MARCHF1: variants seen among roughly 807,000 people sequenced by gnomAD.
The protein encoded by MARCHF1 is membrane associated ring-CH-type finger 1.
A neutral mutation model predicts 54.2 loss-of-function variants in MARCHF1; 40 were observed. The observed-to-expected ratio is 0.74, with a 90% CI of 0.57 to 0.96. The LOEUF is 0.96. Among genes scored for constraint, MARCHF1 ranks in the 40% least tolerant of loss-of-function variants. The pLI, the probability that MARCHF1 is intolerant of heterozygous loss-of-function variation, is 0.00. For synonymous variants in MARCHF1, 236 were observed against 236.3 expected, an observed-to-expected ratio of 1.00 and a Z score of 0.01; for missense variants, 586 against 656.5, an observed-to-expected ratio of 0.89 and a Z score of 1.17.
intron 2 of MARCHF1, among the ~76,000 whole-genome samples, chr4:164,096,818 T>C (rs566977228): frequency 3.3e-5 from 5 of 152,302 alleles, no homozygotes; most frequent in African/African-American, 7.2e-5. Context: ...AAGATCATTT[T>C]TTAGCCATAA....
chr4:163,945,878 C>G (rs1752013016), intron 3 of MARCHF1, among the ~76,000 whole-genome samples: 2 of 151,986 alleles, frequency 1.3e-5, no homozygotes, highest in African/African-American at 4.8e-5. Context: ...TAGAGAGAAG[C>G]CTGAACCGAG....
At chr4:164,226,250 G>A (rs955448468) in intron 1 of MARCHF1, among the ~76,000 whole-genome samples, 31 of 151,976 alleles carry the variant, frequency 2.0e-4, no homozygotes, top group Admixed American at 2.0e-3. Flanking sequence ...AATAAATGAA[G>A]CAGAAAATAA....
intron 1 of MARCHF1, among the ~76,000 whole-genome samples, chr4:164,267,620 GACC>G (rs1357538909): frequency 6.6e-6 from 1 of 152,142 alleles, no homozygotes; most frequent in Non-Finnish European, 1.5e-5. Flanking sequence ...AATTTAAGAT[GACC>G]ATAGCATCAG....
At chr4:164,158,591 A>G (rs1730145890) in intron 1 of MARCHF1, among the ~76,000 whole-genome samples, 1 of 152,172 alleles carries the variant, frequency 6.6e-6, no homozygotes, top group Non-Finnish European at 1.5e-5. Flanking sequence ...CAGTGAGCTG[A>G]GATCATGCCA....
At chr4:164,055,569 A>T (rs1234293780) in intron 2 of MARCHF1, among the ~76,000 whole-genome samples, 1 of 152,334 alleles carries the variant, frequency 6.6e-6, no homozygotes, top group South Asian at 2.1e-4. Flanking sequence ...ATATGGATAA[A>T]GTAAAAAGAA....
chr4:163,721,736 C>T (rs1160131496), intron 4 of MARCHF1, among the ~76,000 whole-genome samples: 1 of 152,106 alleles, frequency 6.6e-6, no homozygotes, highest in Non-Finnish European at 1.5e-5. Context: ...AGGGATTCAA[C>T]TTCTTCCTGG....
chr4:163,545,817 A>G (rs1463753850), intron 8 of MARCHF1, 74 bp from the exon 9 acceptor site: 6 of 1,378,900 alleles, frequency 4.4e-6, no homozygotes, highest in Non-Finnish European at 6.1e-6. Flanking sequence ...TTTCCCAGAC[A>G]CAGATCATGA....
At chr4:164,333,077 G>C (rs926391374) in intron 1 of MARCHF1, among the ~76,000 whole-genome samples, 5 of 151,918 alleles carry the variant, frequency 3.3e-5, no homozygotes, top group African/African-American at 7.3e-5. Context: ...GAGACAATGA[G>C]AGGAGTGTGA....
intron 1 of MARCHF1, among the ~76,000 whole-genome samples, chr4:164,267,864 T>C (rs964582208): frequency 9.2e-5 from 14 of 152,128 alleles, no homozygotes; most frequent in African/African-American, 3.1e-4. Flanking sequence ...GTAGAGTTTA[T>C]AGCCAGAATC....
intron 9 of MARCHF1, among the ~76,000 whole-genome samples, chr4:163,540,311 A>G (rs1351125894): frequency 6.6e-6 from 1 of 152,134 alleles, no homozygotes; most frequent in Non-Finnish European, 1.5e-5. Flanking sequence ...ATCTCACTCT[A>G]AGTTGGAATA....
At chr4:164,090,371 TA>T (rs1197759250) in intron 2 of MARCHF1, among the ~76,000 whole-genome samples, 1 of 152,036 alleles carries the variant, frequency 6.6e-6, no homozygotes, top group African/African-American at 2.4e-5. Context: ...TGAATTATTC[TA>T]AAATAATTTA....
chr4:164,141,742 G>A (rs151274856), intron 1 of MARCHF1, among the ~76,000 whole-genome samples: 7 of 152,236 alleles, frequency 4.6e-5, no homozygotes, highest in East Asian at 1.9e-4. Context: ...AATAACCCTG[G>A]TGCCCCAAAT....
chr4:164,002,833 T>A (rs1753212424), intron 2 of MARCHF1, among the ~76,000 whole-genome samples: 2 of 151,866 alleles, frequency 1.3e-5, no homozygotes, highest in African/African-American at 4.8e-5. Context: ...AAGGCCTGTT[T>A]CATAGAAGAG....
intron 5 of MARCHF1, among the ~76,000 whole-genome samples, chr4:163,667,004 G>A (rs1743559665): frequency 6.6e-6 from 1 of 151,820 alleles, no homozygotes; most frequent in African/African-American, 2.4e-5. Flanking sequence ...AAATAATACG[G>A]GAGAAATTTT....
chr4:163,913,435 T>C (rs565446162), intron 3 of MARCHF1, among the ~76,000 whole-genome samples: 12 of 152,154 alleles, frequency 7.9e-5, no homozygotes, highest in Non-Finnish European at 1.8e-4. Flanking sequence ...ATGTTAGCAA[T>C]GTTTTTTCAG....
At chr4:163,791,246 A>G (rs1237692075) in intron 4 of MARCHF1, among the ~76,000 whole-genome samples, 1 of 152,134 alleles carries the variant, frequency 6.6e-6, no homozygotes, top group Non-Finnish European at 1.5e-5. Context: ...TATAGCCATC[A>G]CTGTACTTTT....
chr4:164,345,906 G>C (rs1730079445), intron 1 of MARCHF1, among the ~76,000 whole-genome samples: 1 of 152,070 alleles, frequency 6.6e-6, no homozygotes, highest in Non-Finnish European at 1.5e-5. Context: ...TTTAATAAGA[G>C]ATATACTAAA....
chr4:163,855,710 A>G (rs1315556167), intron 3 of MARCHF1, among the ~76,000 whole-genome samples: 1 of 152,200 alleles, frequency 6.6e-6, no homozygotes, highest in Non-Finnish European at 1.5e-5. Context: ...ATAAAATGCT[A>G]AATTCATTCA....
At chr4:164,319,946 A>G (rs930878332) in intron 1 of MARCHF1, among the ~76,000 whole-genome samples, 1 of 152,168 alleles carries the variant, frequency 6.6e-6, no homozygotes, top group African/African-American at 2.4e-5. Context: ...TTTATGGTAC[A>G]TTTCTCTAGA....
Sources: gnomAD v4.1 joint callset for allele counts (sites outside exome capture counted in the v4.1 genomes callset) on GRCh38, gnomAD v4.1.1 for gene constraint, MANE v1.5 for transcripts, NCBI Gene and HGNC (gene_info 2026-07-23, HGNC 2026-07-21) for gene names.